The following ADAT1 variants were observed in gnomAD, a reference collection of about 807,000 sequenced individuals.
ADAT1 encodes the protein adenosine deaminase tRNA specific 1, also known as tRNA-specific adenosine deaminase 1.
A neutral mutation model predicts 58.6 loss-of-function variants in ADAT1; 58 were observed. The observed-to-expected ratio is 0.99, with a 90% CI of 0.80 to 1.23. ADAT1 has a LOEUF of 1.23. Among genes scored for constraint, ADAT1 ranks in the 50% most tolerant of loss-of-function variants. The probability of loss-of-function intolerance (pLI) is 0.00; values close to 1 mark genes in which losing one functional copy is unlikely to be tolerated. For missense variants in ADAT1, 741 were observed against 608.6 expected, an observed-to-expected ratio of 1.22 and a Z score of -2.29; for synonymous variants, 254 against 220.8, an observed-to-expected ratio of 1.15 and a Z score of -1.33.
intron 6 of ADAT1, 85 bp from the exon 7 acceptor site, chr16:75,609,073 G>A: frequency 6.6e-7 from 1 of 1,504,322 alleles, no homozygotes. Flanking sequence ...CATCACCCCT[G>A]AGCCTTAGCA....
Position 75,617,292 on chromosome 16 carries a change from A to G in ADAT1, c.294-20T>C, listed in dbSNP as rs2081765099. On this transcript the variant is annotated intron_variant, in intron 4 of 9. Transcript: ENST00000564657. Reference sequence around the variant, plus strand: ...AGGTACCTAAGGGTTGCAAGATGTTATTAGGATGAACAACCGATCTCTGTG... The same window carrying G: ...AGGTACCTAAGGGTTGCAAGATGTTGTTAGGATGAACAACCGATCTCTGTG... The G allele has an allele frequency of 6.2e-7, 1 of 1,606,482 alleles. No individual in the cohort carries two copies. Among genetic ancestry groups the G allele is most frequent in the Non-Finnish European group, 8.5e-7 (1 of 1,173,790 alleles).
rs145518379 is a variant in ADAT1 at position 75,608,979 on chromosome 16, A to G, written c.1053T>C (p.Asn351=). ...CGAAGCCTTTTGGTAAAGCAGACAC[A>G]TTCTGACACCTAAATACAAGGGAAA... ...MQRALIGRCQ[N]VSALPKGFGV... The change falls in exon 7 of 10, where the codon AAT becomes AAC. Residue 351 remains asparagine, a synonymous_variant. Coordinates refer to ENST00000564657, the MANE Select transcript of ADAT1 (RefSeq NM_001324445.2). 43 of 1,614,056 alleles carry G rather than the reference A, an allele frequency of 2.7e-5. No homozygotes were observed. The African/African-American group carries it at 4.9e-4, about 19-fold the overall frequency.
Position 75,612,475 on chromosome 16 carries a change from A to C in ADAT1, c.811T>G (p.Ser271Ala). Residue 271 changes from serine to alanine, a missense_variant, in exon 6 of 10, where the codon TCC becomes GCC. By Grantham distance (99) the Ser-to-Ala change is moderately conservative. Coordinates refer to ENST00000564657, the MANE Select transcript of ADAT1 (RefSeq NM_001324445.2). ...AKCVPGEAGD[S>A]GKPGAAFHQV... ...TGAAACGCAGCACCCGGCTTTCCGG[A>C]GTCTCCAGCTTCTCCAGGTACACAC... 2 of 1,614,198 alleles carry C rather than the reference A, an allele frequency of 1.2e-6. No individual in the cohort carries two copies. Among genetic ancestry groups the C allele is most frequent in the Non-Finnish European group, 1.7e-6 (2 of 1,180,026 alleles).
chr16:75,617,596 T>C (rs1382129110), intron 4 of ADAT1, among the ~76,000 whole-genome samples: 2 of 151,470 alleles, frequency 1.3e-5, no homozygotes, highest in African/African-American at 2.4e-5. Flanking sequence ...ATTCTGCCAC[T>C]GTACTTCAGC....
rs2081096344 is a variant in ADAT1, at chr16:75,597,366, A to C, written c.*2850T>G. 1 of 451,110 alleles carries C rather than the reference A, an allele frequency of 2.2e-6. No homozygotes were observed. 27.9% of individuals were successfully genotyped at this position (451,110 alleles called of 1,614,324 possible). A position where few individuals can be genotyped will look rare whatever the true frequency, so the allele number is the denominator to read the frequency against. On this transcript the variant is annotated 3_prime_UTR_variant, in exon 10 of 10. Transcript: ENST00000564657. The stretch of plus-strand genomic sequence containing the variant: ...ACTGAAGTGATGCAGCCACAAGCCA[A>C]GGACTGCCAGGAGCCATCAGAAGCT...
chr16:75,598,333 TA>T lies in ADAT1; in HGVS notation c.*1882del. ...TCGTGATCTGCCCACCTCGGCCTCC[TA>T]AAGTGTTGGGATTACAGGCGTGAGC... On this transcript the variant is annotated 3_prime_UTR_variant, in exon 10 of 10. Coordinates refer to ENST00000564657, the MANE Select transcript of ADAT1 (RefSeq NM_001324445.2). The T allele has an allele frequency of 3.8e-6, 1 of 266,142 alleles. No homozygotes were observed. Among genetic ancestry groups the T allele is most frequent in the Non-Finnish European group, 7.9e-6 (1 of 126,220 alleles). 16.5% of individuals were successfully genotyped at this position (266,142 alleles called of 1,614,324 possible). A position where few individuals can be genotyped will look rare whatever the true frequency, so the allele number is the denominator to read the frequency against.
Position 75,620,702 on chromosome 16 carries a change from A to C in ADAT1, c.98T>G (p.Leu33Ter). 1 of 1,614,106 alleles carries C rather than the reference A, an allele frequency of 6.2e-7. No homozygotes were observed. The highest frequency in any genetic ancestry group is 8.5e-7 in the Non-Finnish European group (1 of 1,180,032). The change falls in exon 2 of 10, where the codon TTA becomes TGA. Residue 33 changes from leucine (L) to a stop codon, truncating the protein, a stop_gained. Transcript: ENST00000564657. LOFTEE classifies it high-confidence loss of function. ...TTGTATCTTCACCACCGCTGCCAAT[A>C]ATGTCCACTCATGGTTTGGCTCAGG... ...GKPEPNHEWT[L>*]LAAVVKIQSP...
rs771261144 is a variant in ADAT1, at chr16:75,603,214, G to A, written c.1290-43C>T. 3.9e-6 allele frequency: 6 copies of A among 1,549,942 alleles called. No individual in the cohort carries two copies. In the South Asian group the frequency reaches 4.5e-5, roughly 12 times the overall value. ...GCAAAGATGATTTATTAAGTGTTTA[G>A]TATGTTCTAAGCCCCTATCAAAGAT... On this transcript the variant is annotated intron_variant, in intron 8 of 9. Transcript: ENST00000564657.
Position 75,600,119 on chromosome 16 carries a change from T to C in ADAT1, c.*97A>G, listed in dbSNP as rs1461947433. The C allele has an allele frequency of 6.4e-7, 1 of 1,551,430 alleles. No individual in the cohort carries two copies. The highest frequency in any genetic ancestry group is 8.7e-7 in the Non-Finnish European group (1 of 1,147,404). On this transcript the variant is annotated 3_prime_UTR_variant, in exon 10 of 10. Transcript: ENST00000564657. ...AGAGATGCAAAGCTCAGAAAGAATG[T>C]TCCCTGATTTAACTACCAAAAAAGC...
rs56149357 is a variant in ADAT1 at position 75,615,480 on chromosome 16, T to TAAAAAAAAAAA, written c.424+1651_424+1661dup. On this transcript the variant is annotated intron_variant, in intron 5 of 9. Transcript: ENST00000564657. Reference sequence around the variant, plus strand: ...CGAACGCAAACGATAGTTGATGAGCTAAAAAAAAAAAAAAAAAAAAAAAAA... The same window carrying TAAAAAAAAAAA: ...CGAACGCAAACGATAGTTGATGAGCTAAAAAAAAAAAAAAAAAAAAAAAAAAAAAAAAAAAA... Among the ~76,000 whole-genome samples, 12 of 32,946 alleles carry TAAAAAAAAAAA rather than the reference T, an allele frequency of 3.6e-4. 2 individuals carry two copies. The highest frequency in any genetic ancestry group is 7.6e-4 in the Admixed American group (5 of 6,544). The allele number at this position is 32,946 out of a possible 152,430, so 21.6% of individuals were successfully genotyped here.
chr16:75,623,034 G>C lies in ADAT1; in HGVS notation c.-653C>G, dbSNP rs2081979255. The C allele has an allele frequency of 6.9e-6, 1 of 143,968 alleles. No individual in the cohort carries two copies. The highest frequency in any genetic ancestry group is 2.7e-5 in the African/African-American group (1 of 36,600). 8.9% of individuals were successfully genotyped at this position (143,968 alleles called of 1,614,324 possible). On this transcript the variant is annotated 5_prime_UTR_variant, in exon 1 of 10. Coordinates refer to ENST00000564657, the MANE Select transcript of ADAT1 (RefSeq NM_001324445.2). ...GTGAGCGCCTGATCCATTGGGTCCTGCGGCTGCCAGGCCAGAGGCCCCGCG... is the reference window on the plus strand; with the variant it reads ...GTGAGCGCCTGATCCATTGGGTCCTCCGGCTGCCAGGCCAGAGGCCCCGCG...
intron 8 of ADAT1, among the ~76,000 whole-genome samples, chr16:75,604,264 C>G (rs1377088833): frequency 1.3e-5 from 2 of 150,864 alleles, no homozygotes; most frequent in Non-Finnish European, 2.9e-5. Flanking sequence ...GAAACCCCAT[C>G]TCTACTAAAA....
intron 9 of ADAT1, among the ~76,000 whole-genome samples, chr16:75,600,567 C>T (rs543951952): frequency 4.0e-4 from 61 of 152,268 alleles, no homozygotes; most frequent in Non-Finnish European, 6.8e-4. Context: ...ACACTCAGGG[C>T]GCATAACATT....
In ADAT1 at chr16:75,608,579, T is replaced by G; in HGVS notation, c.1190-256A>C. The G allele has an allele frequency of 3.3e-5, 19 of 581,866 alleles. No homozygotes were observed. In the South Asian group the frequency reaches 4.3e-4, roughly 13 times the overall value. 36.0% of individuals were successfully genotyped at this position (581,866 alleles called of 1,614,324 possible). A position where few individuals can be genotyped will look rare whatever the true frequency, so the allele number is the denominator to read the frequency against. ...CACAGAGTAAATGCATTAAACAGAA[T>G]TTCTCACTGAATCTTCCCAATAACC... On this transcript the variant is annotated intron_variant, in intron 7 of 9. Coordinates refer to ENST00000564657, the MANE Select transcript of ADAT1 (RefSeq NM_001324445.2).
intron 8 of ADAT1, among the ~76,000 whole-genome samples, chr16:75,603,639 G>T (rs553317534): frequency 1.3e-5 from 2 of 152,302 alleles, no homozygotes; most frequent in South Asian, 4.1e-4. Flanking sequence ...CAGGCCTTTG[G>T]AGAACAAGCG....
intron 3 of ADAT1, chr16:75,619,656 A>G (rs1567486096): frequency 1.3e-5 from 6 of 455,422 alleles, no homozygotes; most frequent in African/African-American, 6.0e-5. Context: ...CACACCTTTA[A>G]TCCCAGCACT....
In ADAT1 at chr16:75,612,744, C is replaced by T; in HGVS notation, c.542G>A (p.Gly181Glu). The change falls in exon 6 of 10, where the codon GGA (glycine) becomes GAA (glutamate). Residue 181 changes from glycine to glutamate, a missense_variant. Transcript: ENST00000564657. ...AGGGTCTTCACATTTTCTTTCATTT[C>T]CAGGAGCTTCCAGGTTACTACTGGC... ...VEASSNLEAPGNERKCEDPDS... is the reference protein window; with the variant it reads ...VEASSNLEAPENERKCEDPDS... 6.2e-7 allele frequency: 1 copy of T among 1,614,072 alleles called. No individual in the cohort carries two copies. Among genetic ancestry groups the T allele is most frequent in the Non-Finnish European group, 8.5e-7 (1 of 1,180,028 alleles).
At chr16:75,616,166 GC>G (rs1325126596) in intron 5 of ADAT1, among the ~76,000 whole-genome samples, 1 of 152,054 alleles carries the variant, frequency 6.6e-6, no homozygotes, top group East Asian at 1.9e-4. Context: ...GCACCACCAT[GC>G]CCAGCTAATT....
chr16:75,611,829 G>C (rs1056078302), intron 6 of ADAT1, among the ~76,000 whole-genome samples: 1 of 152,056 alleles, frequency 6.6e-6, no homozygotes, highest in East Asian at 1.9e-4. Context: ...AGACCGAGGT[G>C]GGTGGATCAC....
Sources: gnomAD v4.1 joint callset for allele counts (sites outside exome capture counted in the v4.1 genomes callset) on GRCh38, gnomAD v4.1.1 for gene constraint, MANE v1.5 for transcripts, NCBI Gene and HGNC (gene_info 2026-07-23, HGNC 2026-07-21) for gene names.